Variants in ADGRA1 observed in about 807,000 individuals in gnomAD.
The protein encoded by ADGRA1 is adhesion G protein-coupled receptor A1.
In ADGRA1, 12 loss-of-function variants were observed where a neutral mutation model predicts 21.3. That is an observed-to-expected ratio of 0.56 (90% CI 0.36 to 0.91). The LOEUF (loss-of-function observed/expected upper bound fraction) is 0.91, where lower values mean the gene tolerates loss of function less well. ADGRA1 is among the 40% of genes least tolerant of loss of function. ADGRA1 has a pLI of 0.01. For missense variants in ADGRA1, 790 were observed against 805.6 expected (o/e 0.98, Z 0.23); for synonymous variants, 385 against 368.8 (o/e 1.04, Z -0.50).
chr10:133,122,327 C>T (rs926437841), intron 5 of ADGRA1, among the ~76,000 whole-genome samples: 14 of 152,316 alleles, frequency 9.2e-5, no homozygotes, highest in East Asian at 3.9e-4. Flanking sequence ...TCTGCGTCCT[C>T]GCCCCGTTTC....
intron 2 of ADGRA1, among the ~76,000 whole-genome samples, chr10:133,090,052 A>T (rs1591163586): frequency 1.3e-5 from 2 of 152,248 alleles, no homozygotes; most frequent in East Asian, 3.9e-4. Flanking sequence ...CCTCAAATTG[A>T]GACCCTTATT....
At chr10:133,103,191 C>T (rs1468865051) in intron 5 of ADGRA1, among the ~76,000 whole-genome samples, 1 of 152,108 alleles carries the variant, frequency 6.6e-6, no homozygotes, top group East Asian at 1.9e-4. Context: ...CTGGGGCTGG[C>T]GTGTGTTGGG....
chr10:133,088,122 C>G lies in ADGRA1; in HGVS notation c.-219C>G. 1.3e-5 allele frequency: 13 copies of G among 984,976 alleles called. No individual in the cohort carries two copies. Among genetic ancestry groups the G allele is most frequent in the Non-Finnish European group, 1.6e-5 (13 of 829,634 alleles). 61.0% of individuals were successfully genotyped at this position (984,976 alleles called of 1,614,324 possible). On this transcript the variant is annotated 5_prime_UTR_variant, in exon 1 of 7. Transcript: ENST00000392607. ...AGCGCGGCCCGGCCGCCCCGGCAGC[C>G]GCTTCGGCCACAGCAGGTGGGAAGG...
intron 5 of ADGRA1, among the ~76,000 whole-genome samples, chr10:133,105,599 G>A (rs1851879498): frequency 6.6e-6 from 1 of 152,242 alleles, no homozygotes; most frequent in South Asian, 2.1e-4. Context: ...GCTGGTGTCC[G>A]TGAGCATTTC....
In ADGRA1 at chr10:133,128,904, C is replaced by T. The variant is rs780636701; in HGVS notation, c.1076C>T (p.Pro359Leu). 2.6e-6 allele frequency: 4 copies of T among 1,556,662 alleles called. No individual in the cohort carries two copies. In the South Asian group the frequency reaches 3.5e-5, roughly 14 times the overall value. Residue 359 changes from proline to leucine, a missense_variant, in exon 7 of 7, where the codon CCG (proline) becomes CTG (leucine). Transcript: ENST00000392607. The stretch of plus-strand genomic sequence containing the variant: ...CAGCCACGGGGCTTCGCGCACCCAC[C>T]GGGCCCCTGCAAGATGACCAACCTG... ...LGQPRGFAHP[P>L]GPCKMTNLQA...
intron 5 of ADGRA1, among the ~76,000 whole-genome samples, chr10:133,120,380 G>C (rs1218237952): frequency 6.6e-6 from 1 of 152,134 alleles, no homozygotes; most frequent in Non-Finnish European, 1.5e-5. Context: ...ACTCCAGCCT[G>C]GGCGACAGAG....
chr10:133,089,804 G>A (rs964652366), intron 2 of ADGRA1, among the ~76,000 whole-genome samples: 5 of 152,202 alleles, frequency 3.3e-5, no homozygotes, highest in Non-Finnish European at 7.4e-5. Flanking sequence ...ATTCAGTATC[G>A]TCTTCCAGTG....
chr10:133,109,229 C>A (rs1309992171), intron 5 of ADGRA1, among the ~76,000 whole-genome samples: 1 of 152,102 alleles, frequency 6.6e-6, no homozygotes, highest in Non-Finnish European at 1.5e-5. Flanking sequence ...TCAGGCCACA[C>A]CTCCAGGCCC....
intron 5 of ADGRA1, among the ~76,000 whole-genome samples, 161 bp downstream of exon 5, chr10:133,103,003 G>A (rs541718013): frequency 1.1e-4 from 16 of 152,012 alleles, no homozygotes; most frequent in African/African-American, 2.7e-4. Flanking sequence ...GAGAGCGGGC[G>A]ACGGATCTGA....
chr10:133,094,923 G>T (rs889047569), intron 2 of ADGRA1, among the ~76,000 whole-genome samples: 7 of 152,132 alleles, frequency 4.6e-5, no homozygotes, highest in Non-Finnish European at 1.0e-4. Context: ...GGATTTGGCC[G>T]GGAAAACATG....
chr10:133,104,888 T>A (rs1851865403), intron 5 of ADGRA1, among the ~76,000 whole-genome samples: 1 of 152,138 alleles, frequency 6.6e-6, no homozygotes, highest in South Asian at 2.1e-4. Flanking sequence ...GCTGGGAGAC[T>A]GGGCTGCACC....
At chr10:133,127,422 G>C (rs999240934) in intron 6 of ADGRA1, 91 bp downstream of exon 6, 9 of 990,702 alleles carry the variant, frequency 9.1e-6, no homozygotes, top group Non-Finnish European at 1.3e-5. Flanking sequence ...GGGAAGCCCA[G>C]GACGAAGCAG....
In ADGRA1 at chr10:133,129,505, T is replaced by C. The variant is rs1021436275; in HGVS notation, c.1677T>C (p.Thr559=). The change falls in exon 7 of 7, where the codon ACT becomes ACC. Residue 559 remains threonine (T), a synonymous_variant. Coordinates refer to ENST00000392607, the MANE Select transcript of ADGRA1 (RefSeq NM_001083909.3). ...CGGGACCCTGGAAAAACGAAACTAC[T>C]GTGTAGATGGGGGCAGAGGACACGG... ...IRTGPWKNET[T]V is the part of the protein sequence containing the mutation. The C allele has an allele frequency of 1.3e-6, 2 of 1,591,602 alleles. No individual in the cohort carries two copies. The highest frequency in any genetic ancestry group is 1.7e-6 in the Non-Finnish European group (2 of 1,175,714).
intron 5 of ADGRA1, among the ~76,000 whole-genome samples, chr10:133,117,016 C>T (rs950148072): frequency 2.0e-5 from 3 of 152,266 alleles, no homozygotes; most frequent in South Asian, 2.1e-4. Flanking sequence ...AAGGTGGCCT[C>T]GGTCGGTCAC....
chr10:133,128,423 G>T lies in ADGRA1; in HGVS notation c.595G>T (p.Val199Leu). ...CTGTGTGTACTTCCTGGGCACCTAC[G>T]TGCAGCTGCGGCGCCACCCAGGGCG... ...VTCVYFLGTY[V>L]QLRRHPGRRY... Residue 199 changes from valine (V) to leucine (L), a missense_variant, in exon 7 of 7, where the codon GTG (valine) becomes TTG (leucine). Val to Leu is a conservative substitution (Grantham distance 32, BLOSUM62 1). Coordinates refer to ENST00000392607, the MANE Select transcript of ADGRA1 (RefSeq NM_001083909.3). 6.2e-7 allele frequency: 1 copy of T among 1,606,484 alleles called. No individual in the cohort carries two copies. The highest frequency in any genetic ancestry group is 1.1e-5 in the South Asian group (1 of 90,024).
In ADGRA1 at chr10:133,095,528, G is replaced by A. The variant is rs903145631; in HGVS notation, c.4-1446G>A. ...CCCAGGTGCCTTCGCCCTCGCACAG[G>A]TCCAGGCTCCTCGTCCCGGGATGCA... On this transcript the variant is annotated intron_variant, in intron 2 of 6. Transcript: ENST00000392607. 6.6e-6 allele frequency: 8 copies of A among 1,218,364 alleles called. No individual in the cohort carries two copies. The African/African-American group carries it at 1.1e-4, about 16-fold the overall frequency. 75.5% of individuals were successfully genotyped at this position (1,218,364 alleles called of 1,614,324 possible).
intron 5 of ADGRA1, among the ~76,000 whole-genome samples, chr10:133,111,848 C>CA (rs1852021133): frequency 1.2e-4 from 18 of 147,342 alleles, no homozygotes; most frequent in Admixed American, 2.0e-4. Flanking sequence ...CTGCCCACCA[C>CA]GGGCACCTCC....
At chr10:133,093,400 G>A in intron 2 of ADGRA1, 2 of 1,061,722 alleles carry the variant, frequency 1.9e-6, no homozygotes, top group East Asian at 2.6e-5. Flanking sequence ...TAAAATGAGG[G>A]AAAACAGAGG....
Position 133,129,519 on chromosome 10 carries a change from C to T in ADGRA1, c.*8C>T. On this transcript the variant is annotated 3_prime_UTR_variant, in exon 7 of 7. Transcript: ENST00000392607. ...AACGAAACTACTGTGTAGATGGGGG[C>T]AGAGGACACGGTGTTCCTGGAGGAG... 6.3e-7 allele frequency: 1 copy of T among 1,576,774 alleles called. No individual in the cohort carries two copies. Among genetic ancestry groups the T allele is most frequent in the Non-Finnish European group, 8.6e-7 (1 of 1,167,116 alleles).
Sources: allele counts gnomAD v4.1 joint callset (sites outside exome capture counted in the v4.1 genomes callset), GRCh38; gene constraint gnomAD v4.1.1; transcripts MANE v1.5; gene names NCBI Gene and HGNC (gene_info 2026-07-23, HGNC 2026-07-21).